Variants in TOX observed in about 807,000 individuals in gnomAD.
TOX encodes the protein thymocyte selection associated high mobility group box.
In TOX, 11 loss-of-function variants were observed where a neutral mutation model predicts 53.7. The ratio of observed to expected loss-of-function variants is 0.20; its 90% CI spans 0.13 to 0.34. TOX has a LOEUF of 0.34. Among genes scored for constraint, TOX ranks in the 10% least tolerant of loss-of-function variants. The probability of loss-of-function intolerance (pLI) is 1.00; values close to 1 mark genes in which losing one functional copy is unlikely to be tolerated. For missense variants in TOX, 570 were observed against 664.6 expected (o/e 0.86, Z 1.56); for synonymous variants, 225 against 245.3 (o/e 0.92, Z 0.77).
intron 2 of TOX, among the ~76,000 whole-genome samples, chr8:58,940,127 C>T (rs117079857): frequency 0.013 from 1,910 of 152,226 alleles, 27 homozygotes; most frequent in South Asian, 0.064. Flanking sequence ...CTATTTTTAT[C>T]GCAAAGATCT....
chr8:59,008,510 G>A (rs893901461), intron 1 of TOX, among the ~76,000 whole-genome samples: 1 of 152,228 alleles, frequency 6.6e-6, no homozygotes, highest in Non-Finnish European at 1.5e-5. Context: ...AAGGACCGGA[G>A]GTCCACGTGG....
At chr8:58,821,762 T>C (rs897344524) in intron 6 of TOX, among the ~76,000 whole-genome samples, 1 of 152,238 alleles carries the variant, frequency 6.6e-6, no homozygotes, top group Non-Finnish European at 1.5e-5. Context: ...ATGTAATTTG[T>C]ATAGATTTGC....
intron 1 of TOX, among the ~76,000 whole-genome samples, chr8:59,115,361 G>A (rs1805083939): frequency 6.6e-6 from 1 of 152,152 alleles, no homozygotes; most frequent in African/African-American, 2.4e-5. Context: ...CATAAAACCA[G>A]TGAAAACAAT....
At chr8:58,937,520 G>A (rs1812364635) in intron 3 of TOX, among the ~76,000 whole-genome samples, 2 of 152,190 alleles carry the variant, frequency 1.3e-5, no homozygotes, top group Admixed American at 1.3e-4. Flanking sequence ...GCCATGGGCA[G>A]CAAATCTGGA....
intron 1 of TOX, among the ~76,000 whole-genome samples, chr8:59,073,810 C>T (rs1329889054): frequency 6.6e-6 from 1 of 152,090 alleles, no homozygotes; most frequent in Non-Finnish European, 1.5e-5. Flanking sequence ...ACCCCTCTGC[C>T]CTCCAGAGGG....
At chr8:58,999,337 C>A (rs554235858) in intron 1 of TOX, among the ~76,000 whole-genome samples, 6 of 150,122 alleles carry the variant, frequency 4.0e-5, no homozygotes, top group African/African-American at 1.5e-4. Flanking sequence ...GAAAAAAAAA[C>A]CAATAAATTA....
chr8:58,960,142 G>A, intron 1 of TOX, 134 bp from the exon 2 acceptor site: 14 of 906,696 alleles, frequency 1.5e-5, no homozygotes, highest in South Asian at 3.1e-5. Flanking sequence ...TGGGACTATG[G>A]AAAATCTGTC....
intron 7 of TOX, chr8:58,814,315 G>A (rs1810135385): frequency 6.6e-6 from 1 of 152,034 alleles, no homozygotes; most frequent in Non-Finnish European, 1.5e-5. Flanking sequence ...TTATAGCTTG[G>A]AGAACAATAG....
Position 58,851,457 on chromosome 8 carries a change from C to A in TOX, c.693+67G>T. ...TCGCATGGATGATATAAACTTGTACCCAGCACAGGTCAAAGAAGGTGCCTA... is the reference window on the plus strand; with the variant it reads ...TCGCATGGATGATATAAACTTGTACACAGCACAGGTCAAAGAAGGTGCCTA... On this transcript the variant is annotated intron_variant, in intron 4 of 8. Coordinates refer to ENST00000361421, the MANE Select transcript of TOX (RefSeq NM_014729.3). The surrounding 1 kb of genome is among the most constrained non-coding windows in gnomAD (Gnocchi z 4.4). 1 of 1,556,954 alleles carries A rather than the reference C, an allele frequency of 6.4e-7. No homozygotes were observed. The highest frequency in any genetic ancestry group is 8.8e-7 in the Non-Finnish European group (1 of 1,140,884).
At chr8:58,898,701 A>G (rs1811688397) in intron 3 of TOX, among the ~76,000 whole-genome samples, 1 of 152,152 alleles carries the variant, frequency 6.6e-6, no homozygotes, top group African/African-American at 2.4e-5. Context: ...GTTTCTTCTC[A>G]GATGAAGAGA....
chr8:58,890,877 C>G (rs16924207), intron 3 of TOX, among the ~76,000 whole-genome samples: 12,663 of 152,052 alleles, frequency 0.083, 736 homozygotes, highest in South Asian at 0.18. Flanking sequence ...GATGCAGAAC[C>G]TTGGGTGGTG....
In TOX at chr8:58,870,065, T is replaced by C. The variant is rs34942323; in HGVS notation, c.412-18260A>G. On this transcript the variant is annotated intron_variant, in intron 3 of 8. Transcript: ENST00000361421. ...CTATTATTCAACGTTGTACTGAAAGTTCTACCTAATGCAATAAGACAATGC... is the reference window on the plus strand; with the variant it reads ...CTATTATTCAACGTTGTACTGAAAGCTCTACCTAATGCAATAAGACAATGC... 8.0e-3 allele frequency among the ~76,000 whole-genome samples: 1,219 copies of C among 152,138 alleles called. 12 individuals are homozygous for C. Among genetic ancestry groups the C allele is most frequent in the African/African-American group, 0.026 (1,065 of 41,512 alleles).
chr8:58,972,027 T>C (rs1198330811), intron 1 of TOX, among the ~76,000 whole-genome samples: 5 of 152,124 alleles, frequency 3.3e-5, no homozygotes, highest in Admixed American at 2.0e-4. Flanking sequence ...AATGCAGTTA[T>C]ACCTGAAATA....
At chr8:58,960,066 T>C (rs991525858) in intron 1 of TOX, 58 bp from the exon 2 acceptor site, 38 of 1,586,370 alleles carry the variant, frequency 2.4e-5, no homozygotes, top group Non-Finnish European at 3.1e-5. Flanking sequence ...TGTTTGGTTT[T>C]TATTTGTTTT....
At chr8:59,021,463 CA>C (rs148800261) in intron 1 of TOX, among the ~76,000 whole-genome samples, 52 of 69,678 alleles carry the variant, frequency 7.5e-4, no homozygotes, top group Admixed American at 1.7e-3. Flanking sequence ...TTTCTACAAG[CA>C]AAAAAAAAAA....
chr8:58,939,229 C>T, intron 3 of TOX, 73 bp downstream of exon 3: 1 of 1,561,652 alleles, frequency 6.4e-7, no homozygotes, highest in Non-Finnish European at 8.7e-7. Context: ...AATGCCAGGC[C>T]CTCGCATGAA....
chr8:58,893,179 G>A (rs6471757), intron 3 of TOX, among the ~76,000 whole-genome samples: 93,370 of 151,952 alleles, frequency 0.61, 29,440 homozygotes, highest in African/African-American at 0.73. Flanking sequence ...ATGATTTGCC[G>A]TTCAAATTGC....
intron 1 of TOX, among the ~76,000 whole-genome samples, chr8:59,075,326 ACT>A (rs1804273209): frequency 6.6e-6 from 1 of 151,976 alleles, no homozygotes; most frequent in Non-Finnish European, 1.5e-5. Context: ...TGCTGAAGGG[ACT>A]CTCTGACCTT....
At chr8:59,082,923 C>A (rs1231972616) in intron 1 of TOX, among the ~76,000 whole-genome samples, 1 of 152,178 alleles carries the variant, frequency 6.6e-6, no homozygotes, top group Non-Finnish European at 1.5e-5. Context: ...TTTCATTTCT[C>A]CCTACCCCAA....
Sources: gnomAD v4.1 joint callset for allele counts (sites outside exome capture counted in the v4.1 genomes callset) on GRCh38, gnomAD v4.1.1 for gene constraint, Gnocchi (gnomAD v3.1) non-coding constraint, MANE v1.5 for transcripts, NCBI Gene and HGNC (gene_info 2026-07-23, HGNC 2026-07-21) for gene names.